ANKS1B: variants seen among roughly 807,000 people sequenced by gnomAD.
ANKS1B encodes the protein ankyrin repeat and sterile alpha motif domain-containing protein 1B.
A neutral mutation model predicts 148.3 loss-of-function variants in ANKS1B; 36 were observed. That is an observed-to-expected ratio of 0.24 (90% CI 0.19 to 0.32). ANKS1B has a LOEUF of 0.32. Among genes scored for constraint, ANKS1B ranks in the 10% least tolerant of loss-of-function variants. The probability of loss-of-function intolerance (pLI) is 1.00; values close to 1 mark genes in which losing one functional copy is unlikely to be tolerated. For synonymous variants in ANKS1B, 542 were observed against 560.8 expected (o/e 0.97, Z 0.47); for missense variants, 1,157 against 1,542.6 (o/e 0.75, Z 4.19).
At chr12:99,571,362 G>C (rs1392110851) in intron 9 of ANKS1B, among the ~76,000 whole-genome samples, 1 of 151,598 alleles carries the variant, frequency 6.6e-6, no homozygotes, top group Non-Finnish European at 1.5e-5. Flanking sequence ...GGTATAGATA[G>C]AGAGATATAA....
At chr12:98,976,772 G>C (rs188601923) in intron 17 of ANKS1B, 3 of 152,328 alleles carry the variant, frequency 2.0e-5, no homozygotes, top group Admixed American at 2.0e-4. Context: ...AAGGGCATAT[G>C]CTAAGTCTTA....
chr12:99,492,801 C>T (rs1048249940), intron 10 of ANKS1B, among the ~76,000 whole-genome samples: 8 of 152,158 alleles, frequency 5.3e-5, no homozygotes, highest in Non-Finnish European at 1.0e-4. Context: ...ACAAAAAACA[C>T]ATGATTATCT....
At chr12:99,073,827 C>T (rs2047009724) in intron 16 of ANKS1B, among the ~76,000 whole-genome samples, 1 of 152,160 alleles carries the variant, frequency 6.6e-6, no homozygotes. Flanking sequence ...CAACTCACAG[C>T]CTTGGGTCTC....
At chr12:99,695,730 G>A (rs773271286) in intron 8 of ANKS1B, among the ~76,000 whole-genome samples, 16 of 152,096 alleles carry the variant, frequency 1.1e-4, no homozygotes, top group Non-Finnish European at 2.1e-4. Context: ...GGCCTGTCGG[G>A]GGAGGGTTGG....
chr12:99,893,251 A>G (rs1222405674), intron 1 of ANKS1B, among the ~76,000 whole-genome samples: 1 of 152,118 alleles, frequency 6.6e-6, no homozygotes, highest in African/African-American at 2.4e-5. Context: ...TCTACTAAAA[A>G]TACAAAAAAA....
intron 10 of ANKS1B, among the ~76,000 whole-genome samples, chr12:99,484,761 TG>T (rs1236282567): frequency 1.3e-4 from 16 of 122,744 alleles, no homozygotes; most frequent in African/African-American, 5.9e-4. Context: ...TGTGTGTGTG[TG>T]TGTTTTTTTT....
At chr12:98,901,601 G>C (rs1253921279) in intron 17 of ANKS1B, among the ~76,000 whole-genome samples, 3 of 152,200 alleles carry the variant, frequency 2.0e-5, no homozygotes, top group African/African-American at 7.2e-5. Flanking sequence ...CCAATATGTA[G>C]AGAGCAGGGT....
rs1452623908 is a variant in ANKS1B, at chr12:98,745,723, A to G, written c.*16T>C. ...TTGGCGAGCAAGGCACCGCGAGGACAGGAGGACGGCGAGTATCAGAAAATC... is the reference window on the plus strand; with the variant it reads ...TTGGCGAGCAAGGCACCGCGAGGACGGGAGGACGGCGAGTATCAGAAAATC... On this transcript the variant is annotated 3_prime_UTR_variant, in exon 27 of 27. Coordinates refer to ENST00000683438, the MANE Select transcript of ANKS1B (RefSeq NM_001352186.2). 1.2e-6 allele frequency: 2 copies of G among 1,612,564 alleles called. No homozygotes were observed. Among genetic ancestry groups the G allele is most frequent in the Non-Finnish European group, 8.5e-7 (1 of 1,179,236 alleles).
At chr12:99,576,175 G>A (rs927924314) in intron 9 of ANKS1B, among the ~76,000 whole-genome samples, 4 of 152,012 alleles carry the variant, frequency 2.6e-5, no homozygotes, top group Admixed American at 2.0e-4. Context: ...AATGAGAAAG[G>A]GTTCAATTCA....
intron 14 of ANKS1B, among the ~76,000 whole-genome samples, chr12:99,235,494 T>C (rs1262138400): frequency 1.3e-5 from 2 of 152,154 alleles, no homozygotes; most frequent in Non-Finnish European, 2.9e-5. Flanking sequence ...CAATCAAAGA[T>C]CTGTATTCTT....
chr12:99,081,470 G>A (rs1051084640), intron 16 of ANKS1B, among the ~76,000 whole-genome samples: 12 of 152,196 alleles, frequency 7.9e-5, no homozygotes, highest in African/African-American at 2.9e-4. Flanking sequence ...GCAGATGAAT[G>A]TGCTGGCAAT....
At chr12:98,753,167 CA>C (rs1389838515) in intron 25 of ANKS1B, among the ~76,000 whole-genome samples, 1 of 152,248 alleles carries the variant, frequency 6.6e-6, no homozygotes, top group Non-Finnish European at 1.5e-5. Context: ...GACCTTCAAT[CA>C]GTCCTTTTCT....
chr12:98,894,720 C>T (rs2099760304), intron 17 of ANKS1B: 2 of 985,450 alleles, frequency 2.0e-6, no homozygotes, highest in South Asian at 9.4e-5. Context: ...TGAACCTCCG[C>T]TCCCCTAGCC....
chr12:98,822,371 T>C (rs987567292), intron 19 of ANKS1B, among the ~76,000 whole-genome samples: 1 of 152,132 alleles, frequency 6.6e-6, no homozygotes, highest in Non-Finnish European at 1.5e-5. Flanking sequence ...AAGGGCAGAT[T>C]ATAACAGCCA....
chr12:99,270,127 G>T (rs776305562), intron 12 of ANKS1B, among the ~76,000 whole-genome samples: 1 of 152,318 alleles, frequency 6.6e-6, no homozygotes, highest in African/African-American at 2.4e-5. Flanking sequence ...GCCCCAGTTA[G>T]GTTGATCAGT....
rs565983337 is a variant in ANKS1B, at chr12:98,768,505, C to T, written c.3579+4537G>A. ...ATCCCAGCACTTTGGGAGGCCGAGG[C>T]GGGCGGATCACAAGGTCGGGAGATC... On this transcript the variant is annotated intron_variant, in intron 25 of 26. Coordinates refer to ENST00000683438, the MANE Select transcript of ANKS1B (RefSeq NM_001352186.2). Among the ~76,000 whole-genome samples, 13 of 144,922 alleles carry T rather than the reference C, an allele frequency of 9.0e-5. No individual in the cohort carries two copies. In the East Asian group the frequency reaches 1.1e-3, roughly 12 times the overall value.
At chr12:98,847,188 C>T (rs185410584) in intron 17 of ANKS1B, among the ~76,000 whole-genome samples, 2 of 152,338 alleles carry the variant, frequency 1.3e-5, no homozygotes, top group Non-Finnish European at 2.9e-5. Flanking sequence ...TTGTTAGTTA[C>T]TGGAACTATG....
chr12:99,356,599 A>T (rs1394244164), intron 12 of ANKS1B, among the ~76,000 whole-genome samples: 2 of 152,150 alleles, frequency 1.3e-5, no homozygotes, highest in African/African-American at 4.8e-5. Flanking sequence ...ATGGAGTATA[A>T]ATTTGCAGAT....
At chr12:99,182,115 T>C (rs987290628) in intron 14 of ANKS1B, among the ~76,000 whole-genome samples, 1 of 152,124 alleles carries the variant, frequency 6.6e-6, no homozygotes, top group African/African-American at 2.4e-5. Context: ...CTTATAATCA[T>C]GGCAGAAGGT....
Sources: gnomAD v4.1 joint callset for allele counts (sites outside exome capture counted in the v4.1 genomes callset) on GRCh38, gnomAD v4.1.1 for gene constraint, MANE v1.5 for transcripts, NCBI Gene and HGNC (gene_info 2026-07-23, HGNC 2026-07-21) for gene names.